The following CEP89 variants were observed in gnomAD, a reference collection of about 807,000 sequenced individuals.
CEP89 encodes the protein centrosomal protein of 89 kDa.
CEP89 carries 95 observed loss-of-function variants against 97.6 expected under a neutral mutation model. That is an observed-to-expected ratio of 0.97 (90% CI 0.82 to 1.15). The LOEUF (loss-of-function observed/expected upper bound fraction) is 1.15, where lower values mean the gene tolerates loss of function less well. CEP89 is among the 50% of genes most tolerant of loss of function. CEP89 has a pLI of 0.00. For synonymous variants in CEP89, 354 were observed against 349.1 expected, an observed-to-expected ratio of 1.01 and a Z score of -0.16; for missense variants, 869 against 947.7, an observed-to-expected ratio of 0.92 and a Z score of 1.09.
At chr19:32,929,117 C>T (rs1423379034) in intron 9 of CEP89, among the ~76,000 whole-genome samples, 1 of 152,166 alleles carries the variant, frequency 6.6e-6, no homozygotes. Flanking sequence ...TACTCACTCA[C>T]TCTGCAAACA....
chr19:32,913,427 TTACATACATACCA>T (rs1162504140), intron 14 of CEP89, among the ~76,000 whole-genome samples: 1 of 151,700 alleles, frequency 6.6e-6, no homozygotes, highest in Non-Finnish European at 1.5e-5. Flanking sequence ...CAATTACCAA[TTACATACATACCA>T]TACATAGGTA....
chr19:32,902,541 C>T (rs1319012920), intron 14 of CEP89, among the ~76,000 whole-genome samples: 1 of 152,170 alleles, frequency 6.6e-6, no homozygotes, highest in African/African-American at 2.4e-5. Flanking sequence ...CCAGGCAAAA[C>T]AGAAGAAACA....
At chr19:32,939,067 C>T (rs1017097700) in intron 6 of CEP89, among the ~76,000 whole-genome samples, 2 of 151,786 alleles carry the variant, frequency 1.3e-5, no homozygotes, top group Non-Finnish European at 2.9e-5. Flanking sequence ...GGCAACATAA[C>T]AAGACCCCAT....
intron 12 of CEP89, among the ~76,000 whole-genome samples, chr19:32,919,591 G>A (rs936356934): frequency 2.0e-5 from 3 of 152,120 alleles, no homozygotes; most frequent in Non-Finnish European, 2.9e-5. Context: ...GAGGGGGCTC[G>A]CCCAAAACTG....
intron 12 of CEP89, 111 bp downstream of exon 12, chr19:32,923,328 G>T: frequency 1.8e-6 from 1 of 542,298 alleles, no homozygotes; most frequent in Admixed American, 3.2e-5. Flanking sequence ...AAACTCTCCC[G>T]TAAAATATTT....
chr19:32,920,923 A>G (rs1970233660), intron 12 of CEP89, among the ~76,000 whole-genome samples: 1 of 151,924 alleles, frequency 6.6e-6, no homozygotes, highest in Non-Finnish European at 1.5e-5. Flanking sequence ...AACCAAGCAG[A>G]AAGCGTCTGC....
chr19:32,947,971 T>C (rs2037509997), intron 5 of CEP89, among the ~76,000 whole-genome samples: 1 of 152,142 alleles, frequency 6.6e-6, no homozygotes, highest in Non-Finnish European at 1.5e-5. Flanking sequence ...TGGCTGATGT[T>C]TTTATTTTTA....
chr19:32,920,255 C>T (rs1970220438), intron 12 of CEP89, among the ~76,000 whole-genome samples: 1 of 151,918 alleles, frequency 6.6e-6, no homozygotes, highest in Non-Finnish European at 1.5e-5. Context: ...AGGTCTTGTT[C>T]TGTCACCTAG....
chr19:32,889,875 G>T (rs907688257), intron 16 of CEP89, among the ~76,000 whole-genome samples: 1 of 152,138 alleles, frequency 6.6e-6, no homozygotes, highest in East Asian at 1.9e-4. Flanking sequence ...GGTGAGGAAG[G>T]CCAGCACACA....
chr19:32,933,925 G>T (rs1970528992), intron 7 of CEP89, among the ~76,000 whole-genome samples: 1 of 152,212 alleles, frequency 6.6e-6, no homozygotes, highest in African/African-American at 2.4e-5. Flanking sequence ...ATGTGGCATG[G>T]AAAGTTCATC....
intron 2 of CEP89, 149 bp from the exon 3 acceptor site, chr19:32,960,207 C>T: frequency 9.8e-6 from 7 of 715,342 alleles, no homozygotes; most frequent in Non-Finnish European, 1.6e-5. Context: ...CGCAGGCCAT[C>T]AGACAATCTC....
At position 32,960,010 on chromosome 19, in the gene CEP89, C is replaced by G; in HGVS notation, c.195G>C (p.Thr65=). 1 of 1,614,190 alleles carries G rather than the reference C, an allele frequency of 6.2e-7. No homozygotes were observed. The highest frequency in any genetic ancestry group is 8.5e-7 in the Non-Finnish European group (1 of 1,180,026). Reference sequence around the variant, plus strand: ...TCTGGCGAGGCTGAGGAATAGCAACCGTCCGCCCAGTCAATGTTGTCGCCA... The same window carrying G: ...TCTGGCGAGGCTGAGGAATAGCAACGGTCCGCCCAGTCAATGTTGTCGCCA... ...AILATTLTGR[T]VAIPQPRQRS... Residue 65 remains threonine (T), a synonymous_variant, in exon 3 of 19, where the codon ACG becomes ACC. Transcript: ENST00000305768.
At chr19:32,948,155 C>A in intron 5 of CEP89, 111 bp downstream of exon 5, 1 of 569,308 alleles carries the variant, frequency 1.8e-6, no homozygotes, top group Non-Finnish European at 3.1e-6. Flanking sequence ...TAGTTAAAAT[C>A]ACAGAGCTAC....
In CEP89 at chr19:32,931,087, G is replaced by T. The variant is rs1296032930; in HGVS notation, c.1029+342C>A. On this transcript the variant is annotated intron_variant, in intron 9 of 18. Coordinates refer to ENST00000305768, the MANE Select transcript of CEP89 (RefSeq NM_032816.5). ...ATTTTTTATTTGTAGAGACTGTCTC[G>T]CCATGTCCCCCAGGATGGTCTCAAA... The T allele has an allele frequency of 1.2e-4, 41 of 331,056 alleles. No homozygotes were observed. The East Asian group carries it at 1.8e-3, about 14-fold the overall frequency. The allele number at this position is 331,056 out of a possible 1,614,324, so 20.5% of individuals were successfully genotyped here. A position where few individuals can be genotyped will look rare whatever the true frequency, so the allele number is the denominator to read the frequency against.
intron 13 of CEP89, among the ~76,000 whole-genome samples, 179 bp downstream of exon 13, chr19:32,918,045 A>G (rs1970165013): frequency 6.6e-6 from 1 of 152,230 alleles, no homozygotes; most frequent in Non-Finnish European, 1.5e-5. Context: ...AGTCTGAAAA[A>G]GCAATCTATG....
At chr19:32,908,635 C>A (rs1969938243) in intron 14 of CEP89, among the ~76,000 whole-genome samples, 1 of 152,168 alleles carries the variant, frequency 6.6e-6, no homozygotes, top group Non-Finnish European at 1.5e-5. Context: ...CACCTTGGAG[C>A]TTTGGAGGGC....
intron 16 of CEP89, among the ~76,000 whole-genome samples, chr19:32,891,318 T>A (rs1263265226): frequency 6.6e-6 from 1 of 151,828 alleles, no homozygotes; most frequent in African/African-American, 2.4e-5. Flanking sequence ...CTGCAGGGAG[T>A]GTCCCACCAT....
chr19:32,935,986 G>A (rs2145934262), intron 7 of CEP89, among the ~76,000 whole-genome samples: 1 of 152,320 alleles, frequency 6.6e-6, no homozygotes, highest in East Asian at 1.9e-4. Flanking sequence ...ACAAGCGGGA[G>A]CCCTGCCCCT....
At position 32,962,049 on chromosome 19, in the gene CEP89, C is replaced by CAAA. The variant is rs60927897; in HGVS notation, c.147-1994_147-1992dup. 7.8e-3 allele frequency among the ~76,000 whole-genome samples: 1,076 copies of CAAA among 138,374 alleles called. 15 individuals carry two copies. Among genetic ancestry groups the CAAA allele is most frequent in the African/African-American group, 0.025 (952 of 37,732 alleles). 90.8% of individuals were successfully genotyped at this position (138,374 alleles called of 152,430 possible). ...GCTGGAAAAATCAAATTTCCATATG[C>CAAA]AAAAAAAAAAAAAAATCATGGATCT... On this transcript the variant is annotated intron_variant, in intron 2 of 18. Coordinates refer to ENST00000305768, the MANE Select transcript of CEP89 (RefSeq NM_032816.5).
Sources: allele counts gnomAD v4.1 joint callset (sites outside exome capture counted in the v4.1 genomes callset), GRCh38; gene constraint gnomAD v4.1.1; transcripts MANE v1.5; gene names NCBI Gene and HGNC (gene_info 2026-07-23, HGNC 2026-07-21).